Variants in CNTNAP2 observed in about 807,000 individuals in gnomAD.
The protein encoded by CNTNAP2 is contactin associated protein 2, also known as contactin-associated protein-like 2.
A neutral mutation model predicts 155.2 loss-of-function variants in CNTNAP2; 98 were observed. That is an observed-to-expected ratio of 0.63 (90% CI 0.54 to 0.75). The LOEUF (loss-of-function observed/expected upper bound fraction) is 0.75, where lower values mean the gene tolerates loss of function less well. Ranked by LOEUF, CNTNAP2 falls within the 30% of genes least tolerant of loss-of-function variation. The probability of loss-of-function intolerance (pLI) is 0.00; values close to 1 mark genes in which losing one functional copy is unlikely to be tolerated. For missense variants in CNTNAP2, 1,727 were observed against 1,688.1 expected, an observed-to-expected ratio of 1.02 and a Z score of -0.40; for synonymous variants, 651 against 631.2, an observed-to-expected ratio of 1.03 and a Z score of -0.47.
chr7:146,277,427 C>T (rs1800182063), intron 1 of CNTNAP2, among the ~76,000 whole-genome samples: 1 of 152,116 alleles, frequency 6.6e-6, no homozygotes, highest in African/African-American at 2.4e-5. Flanking sequence ...AAACAAAAAG[C>T]TTTGCAGTAG....
chr7:147,629,406 AAATAAT>A (rs56977512), intron 12 of CNTNAP2, among the ~76,000 whole-genome samples: 57,757 of 140,672 alleles, frequency 0.41, 12,074 homozygotes, highest in Admixed American at 0.46. Context: ...TCTGTCTCAA[AAATAAT>A]AATAATAATA....
chr7:147,555,241 G>C (rs1026340670), intron 11 of CNTNAP2, among the ~76,000 whole-genome samples: 2 of 152,122 alleles, frequency 1.3e-5, no homozygotes, highest in Non-Finnish European at 2.9e-5. Context: ...GCAGAATAAG[G>C]AGGGCCCCAG....
intron 15 of CNTNAP2, among the ~76,000 whole-genome samples, chr7:148,098,444 G>GAAAAAAAAAAAAAA (rs61014019): frequency 5.3e-5 from 3 of 56,408 alleles, no homozygotes; most frequent in African/African-American, 2.4e-4. Context: ...CTCTGTCTCA[G>GAAAAAAAAAAAAAA]AAAAAAAAAA....
At chr7:147,438,308 T>C (rs1051616003) in intron 10 of CNTNAP2, among the ~76,000 whole-genome samples, 2 of 151,982 alleles carry the variant, frequency 1.3e-5, no homozygotes, top group Admixed American at 1.3e-4. Context: ...TTTTTGAGAG[T>C]TTTTATCATA....
chr7:146,303,593 TAATCCTG>T (rs1460040210), intron 1 of CNTNAP2, among the ~76,000 whole-genome samples: 1 of 152,168 alleles, frequency 6.6e-6, no homozygotes, highest in Non-Finnish European at 1.5e-5. Context: ...GTGAGTTTCT[TAATCCTG>T]AGTTCTAGTT....
At chr7:147,376,099 A>G (rs1269467386) in intron 9 of CNTNAP2, among the ~76,000 whole-genome samples, 2 of 152,062 alleles carry the variant, frequency 1.3e-5, no homozygotes, top group African/African-American at 2.4e-5. Flanking sequence ...TCTTTTATTA[A>G]AAAACAAATT....
chr7:147,503,699 ATTT>A (rs767282768), intron 11 of CNTNAP2, among the ~76,000 whole-genome samples: 1 of 97,070 alleles, frequency 1.0e-5, no homozygotes, highest in African/African-American at 5.3e-5. Flanking sequence ...AAAAAAAAAT[ATTT>A]TTGACAGCAA....
intron 13 of CNTNAP2, among the ~76,000 whole-genome samples, chr7:147,855,719 T>G (rs1008081226): frequency 2.6e-5 from 4 of 152,138 alleles, no homozygotes; most frequent in African/African-American, 9.7e-5. Flanking sequence ...GCAACATAAT[T>G]CAGCTTTCCC....
chr7:147,489,429 T>C (rs1050920996), intron 11 of CNTNAP2, among the ~76,000 whole-genome samples: 2 of 152,188 alleles, frequency 1.3e-5, no homozygotes, highest in African/African-American at 4.8e-5. Context: ...ATACATTAAA[T>C]TGTTGAAGTT....
chr7:146,885,961 GTGTGTGTGTGTGTA>G (rs1274404154), intron 3 of CNTNAP2, among the ~76,000 whole-genome samples: 40 of 149,608 alleles, frequency 2.7e-4, no homozygotes, highest in Non-Finnish European at 4.0e-4. Context: ...GTGTGTGTGT[GTGTGTGTGTGTGTA>G]TGTGCTTTCC....
At chr7:148,319,223 G>A (rs4726950) in intron 21 of CNTNAP2, among the ~76,000 whole-genome samples, 49,541 of 151,948 alleles carry the variant, frequency 0.33, 8,788 homozygotes, top group East Asian at 0.49. Flanking sequence ...CTGTAATTAA[G>A]TACTTTTCCC....
chr7:146,969,900 A>G (rs1797745973), intron 3 of CNTNAP2, among the ~76,000 whole-genome samples: 2 of 152,204 alleles, frequency 1.3e-5, no homozygotes, highest in East Asian at 1.9e-4. Flanking sequence ...CTCAGAAATA[A>G]TGCCGCATAT....
intron 13 of CNTNAP2, among the ~76,000 whole-genome samples, chr7:147,788,359 A>G (rs1797768031): frequency 6.6e-6 from 1 of 152,254 alleles, no homozygotes; most frequent in African/African-American, 2.4e-5. Flanking sequence ...AGACAATTGC[A>G]ATATGACCTT....
chr7:147,471,622 T>C (rs769021384), intron 10 of CNTNAP2, among the ~76,000 whole-genome samples: 6 of 152,238 alleles, frequency 3.9e-5, no homozygotes, highest in Non-Finnish European at 8.8e-5. Context: ...GAAAAGTGGT[T>C]CTGACAGCCA....
chr7:146,390,130 A>C (rs1795519185), intron 1 of CNTNAP2, among the ~76,000 whole-genome samples: 1 of 152,212 alleles, frequency 6.6e-6, no homozygotes, highest in Admixed American at 6.5e-5. Context: ...GTAATTGTGC[A>C]ATATTACTTT....
intron 3 of CNTNAP2, among the ~76,000 whole-genome samples, chr7:146,851,470 G>A (rs1262971786): frequency 6.6e-6 from 1 of 151,924 alleles, no homozygotes; most frequent in African/African-American, 2.4e-5. Context: ...CCATAAACTG[G>A]GTGGCTCAAA....
chr7:148,052,071 G>A (rs1461324125), intron 15 of CNTNAP2, among the ~76,000 whole-genome samples: 1 of 151,230 alleles, frequency 6.6e-6, no homozygotes, highest in African/African-American at 2.4e-5. Context: ...CCCAGGAGGC[G>A]GAGCTTGCAG....
Position 146,329,391 on chromosome 7 carries a change from G to A in CNTNAP2, c.97+212418G>A, listed in dbSNP as rs1432800877. 2.6e-5 allele frequency among the ~76,000 whole-genome samples: 4 copies of A among 151,932 alleles called. No homozygotes were observed. In the East Asian group the frequency reaches 7.7e-4, roughly 29 times the overall value. ...TTTTCTGTTCTTTCCCTTTTTATTT[G>A]TGCTCACATCTGACATATATGGAGG... On this transcript the variant is annotated intron_variant, in intron 1 of 23. Transcript: ENST00000361727.
intron 6 of CNTNAP2, among the ~76,000 whole-genome samples, chr7:147,124,491 T>C (rs941316259): frequency 3.3e-5 from 5 of 152,200 alleles, no homozygotes; most frequent in East Asian, 1.9e-4. Context: ...GTTGATTTCA[T>C]GCTACCATAT....
Sources: allele counts gnomAD v4.1 joint callset (sites outside exome capture counted in the v4.1 genomes callset), GRCh38; gene constraint gnomAD v4.1.1; transcripts MANE v1.5; gene names NCBI Gene and HGNC (gene_info 2026-07-23, HGNC 2026-07-21).